Variants in OPCML observed in about 807,000 individuals in gnomAD.
OPCML encodes opioid-binding protein/cell adhesion molecule.
A neutral mutation model predicts 37.8 loss-of-function variants in OPCML; 13 were observed. The observed-to-expected ratio is 0.34, with a 90% CI of 0.22 to 0.55. OPCML has a LOEUF of 0.55. Among genes scored for constraint, OPCML ranks in the 20% least tolerant of loss-of-function variants. The pLI is 0.91. For missense variants in OPCML, 341 were observed against 435.6 expected (o/e 0.78, Z 1.93); for synonymous variants, 176 against 168.8 (o/e 1.04, Z -0.33).
intron 2 of OPCML, among the ~76,000 whole-genome samples, chr11:132,694,179 C>CCTTTT: frequency 2.3e-5 from 1 of 42,978 alleles, no homozygotes; most frequent in Non-Finnish European, 4.1e-5. Context: ...AAATCAATGT[C>CCTTTT]TTTTTTTTTT....
intron 3 of OPCML, among the ~76,000 whole-genome samples, chr11:132,585,391 A>G (rs2096470458): frequency 6.8e-6 from 1 of 147,562 alleles, no homozygotes; most frequent in South Asian, 2.2e-4. Flanking sequence ...TCCTGTTTTC[A>G]GAATAAAAAA....
chr11:132,848,527 CACA>C (rs1941656598), intron 2 of OPCML, among the ~76,000 whole-genome samples: 1 of 152,158 alleles, frequency 6.6e-6, no homozygotes, highest in South Asian at 2.1e-4. Context: ...GGGCTCTGAC[CACA>C]ACATCTCCAG....
chr11:133,499,423 C>G (rs984927958), intron 1 of OPCML, among the ~76,000 whole-genome samples: 1 of 152,144 alleles, frequency 6.6e-6, no homozygotes, highest in Non-Finnish European at 1.5e-5. Flanking sequence ...CAAATACATG[C>G]ATCAGTGTAT....
chr11:132,572,609 A>G (rs2096441252), intron 3 of OPCML, among the ~76,000 whole-genome samples: 1 of 152,068 alleles, frequency 6.6e-6, no homozygotes, highest in Non-Finnish European at 1.5e-5. Context: ...ATTGGGCTGT[A>G]TGGCTTTTTA....
At chr11:132,832,924 A>AT (rs11309337) in intron 2 of OPCML, among the ~76,000 whole-genome samples, 11 of 151,238 alleles carry the variant, frequency 7.3e-5, no homozygotes, top group East Asian at 4.4e-4. Context: ...TGATAAAAAG[A>AT]TTTTTTTTTA....
At chr11:132,740,153 T>A (rs1189257504) in intron 2 of OPCML, among the ~76,000 whole-genome samples, 8 of 152,216 alleles carry the variant, frequency 5.3e-5, no homozygotes, top group Admixed American at 5.2e-4. Flanking sequence ...GAAAAGATGC[T>A]AAGAGTAGAG....
chr11:132,846,241 C>A lies in OPCML; in HGVS notation c.146+96685G>T, dbSNP rs185523471. On this transcript the variant is annotated intron_variant, in intron 2 of 7. Coordinates refer to ENST00000524381, the MANE Select transcript of OPCML (RefSeq NM_001012393.5). Reference sequence around the variant, plus strand: ...CCAAGGGCCTCATTGTCTCAATGTACTGAGATGGAGCCACATAAAACTTAA... The same window carrying A: ...CCAAGGGCCTCATTGTCTCAATGTAATGAGATGGAGCCACATAAAACTTAA... Among the ~76,000 whole-genome samples the A allele has an allele frequency of 3.8e-3, 576 of 152,290 alleles. 1 individual carries two copies. Among genetic ancestry groups the A allele is most frequent in the Non-Finnish European group, 6.6e-3 (450 of 68,034 alleles).
At chr11:132,552,359 G>T (rs2096383674) in intron 3 of OPCML, among the ~76,000 whole-genome samples, 1 of 152,206 alleles carries the variant, frequency 6.6e-6, no homozygotes, top group African/African-American at 2.4e-5. Context: ...ACACTGAAAA[G>T]TGAAAATGTT....
intron 1 of OPCML, among the ~76,000 whole-genome samples, chr11:133,431,483 G>C (rs575808339): frequency 5.9e-5 from 9 of 151,848 alleles, no homozygotes; most frequent in Admixed American, 5.9e-4. Context: ...GTTTGTTTTC[G>C]ACGCGGAGTT....
At chr11:132,770,950 A>C (rs1463323874) in intron 2 of OPCML, among the ~76,000 whole-genome samples, 1 of 152,148 alleles carries the variant, frequency 6.6e-6, no homozygotes. Flanking sequence ...TTGACCCTTA[A>C]ATCTCTGCCT....
At chr11:132,987,083 C>T (rs1027534838) in intron 1 of OPCML, among the ~76,000 whole-genome samples, 1 of 152,148 alleles carries the variant, frequency 6.6e-6, no homozygotes, top group South Asian at 2.1e-4. Context: ...CCCTCTTCAC[C>T]TCTTCTTTCG....
At chr11:133,016,183 G>A (rs767040537) in intron 1 of OPCML, among the ~76,000 whole-genome samples, 6 of 152,180 alleles carry the variant, frequency 3.9e-5, no homozygotes, top group Non-Finnish European at 5.9e-5. Flanking sequence ...AAAGTGTGTA[G>A]GTCAGAAGCC....
intron 2 of OPCML, among the ~76,000 whole-genome samples, chr11:132,749,596 T>C (rs941452658): frequency 6.6e-6 from 1 of 152,116 alleles, no homozygotes; most frequent in East Asian, 1.9e-4. Context: ...GCTAAATGTA[T>C]ATTTGTGGTT....
At chr11:133,099,295 C>G (rs1949050753) in intron 1 of OPCML, among the ~76,000 whole-genome samples, 1 of 151,298 alleles carries the variant, frequency 6.6e-6, no homozygotes, top group South Asian at 2.1e-4. Flanking sequence ...CAGAGTCTTG[C>G]TCTGTCGCCC....
chr11:132,505,312 C>T (rs1413656719), intron 4 of OPCML, among the ~76,000 whole-genome samples: 1 of 152,112 alleles, frequency 6.6e-6, no homozygotes, highest in East Asian at 1.9e-4. Context: ...TAAATGACTT[C>T]TATTGTACAG....
At chr11:133,392,589 T>G (rs1423666976) in intron 1 of OPCML, among the ~76,000 whole-genome samples, 1 of 152,228 alleles carries the variant, frequency 6.6e-6, no homozygotes, top group African/African-American at 2.4e-5. Flanking sequence ...CTGATGCTTC[T>G]GCTGAGGGCT....
intron 2 of OPCML, among the ~76,000 whole-genome samples, chr11:132,743,192 C>G (rs920041172): frequency 1.3e-5 from 2 of 152,152 alleles, no homozygotes; most frequent in Admixed American, 6.5e-5. Flanking sequence ...GGTCTTTTTC[C>G]TGGGTTCCCC....
In OPCML at chr11:133,212,084, C is replaced by T. The variant is rs1025686982; in HGVS notation, c.62-269074G>A. 6.6e-6 allele frequency among the ~76,000 whole-genome samples: 1 copy of T among 152,136 alleles called. No individual in the cohort carries two copies. The highest frequency in any genetic ancestry group is 1.5e-5 in the Non-Finnish European group (1 of 68,030). ...CAGAGCCTTTAAAGGGGTGGGGTTA[C>T]ACCTGCATAGTGAGGTGGGGGGTCA... On this transcript the variant is annotated intron_variant, in intron 1 of 7. Coordinates refer to ENST00000524381, the MANE Select transcript of OPCML (RefSeq NM_001012393.5). The surrounding 1 kb of genome is among the most constrained non-coding windows in gnomAD (Gnocchi z 4.9).
intron 2 of OPCML, among the ~76,000 whole-genome samples, chr11:132,863,890 G>C (rs959175149): frequency 6.6e-6 from 1 of 152,018 alleles, no homozygotes; most frequent in African/African-American, 2.4e-5. Flanking sequence ...CAGGAAAATG[G>C]ACAATTTTCC....
Sources: allele counts gnomAD v4.1 joint callset (sites outside exome capture counted in the v4.1 genomes callset), GRCh38; gene constraint gnomAD v4.1.1; non-coding constraint Gnocchi (gnomAD v3.1); transcripts MANE v1.5; gene names NCBI Gene and HGNC (gene_info 2026-07-23, HGNC 2026-07-21).